The following SYNPO2 variants were observed in gnomAD, a reference collection of about 807,000 sequenced individuals.
The protein encoded by SYNPO2 is synaptopodin-2.
Under a neutral mutation model 85.0 loss-of-function variants are expected in SYNPO2, and 56 were observed. That is an observed-to-expected ratio of 0.66 (90% CI 0.53 to 0.82). The LOEUF (loss-of-function observed/expected upper bound fraction) is 0.82, where lower values mean the gene tolerates loss of function less well. SYNPO2 is among the 40% of genes least tolerant of loss of function. The probability of loss-of-function intolerance (pLI) is 0.00; values close to 1 mark genes in which losing one functional copy is unlikely to be tolerated. For synonymous variants in SYNPO2, 602 were observed against 591.1 expected, an observed-to-expected ratio of 1.02 and a Z score of -0.27; for missense variants, 1,575 against 1,534.2, an observed-to-expected ratio of 1.03 and a Z score of -0.44.
intron 4 of SYNPO2, chr4:119,035,729 T>G (rs1392917325): frequency 1.0e-6 from 1 of 985,020 alleles, no homozygotes; most frequent in Non-Finnish European, 1.2e-6. Context: ...AAGTGCCGAC[T>G]TCTTTCAAGA....
In SYNPO2 at chr4:118,953,322, G is replaced by A. The variant is rs78930238; in HGVS notation, c.105+64181G>A. ...TTCATGGTTTTTTTATACCCTGAAC[G>A]TCTCCCTTCGTAGGATTCATCACAA... On this transcript the variant is annotated intron_variant, in intron 1 of 4. Coordinates refer to ENST00000307142, the MANE Select transcript of SYNPO2 (RefSeq NM_133477.3). 6.7e-3 allele frequency among the ~76,000 whole-genome samples: 1,012 copies of A among 152,172 alleles called. 6 individuals are homozygous for A. Among genetic ancestry groups the A allele is most frequent in the Middle Eastern group, 0.027 (8 of 294 alleles).
At chr4:118,917,084 T>C (rs1190029103) in intron 1 of SYNPO2, among the ~76,000 whole-genome samples, 1 of 152,126 alleles carries the variant, frequency 6.6e-6, no homozygotes, top group Non-Finnish European at 1.5e-5. Context: ...AGATGTAAAG[T>C]CATTTGATTA....
At chr4:118,869,693 T>TTCC (rs1468612863) in intron 1 of SYNPO2, among the ~76,000 whole-genome samples, 1 of 152,178 alleles carries the variant, frequency 6.6e-6, no homozygotes, top group Non-Finnish European at 1.5e-5. Context: ...AGCCTGGATA[T>TTCC]ACAATACAGT....
At chr4:118,864,810 T>G (rs775448509) in intron 1 of SYNPO2, among the ~76,000 whole-genome samples, 2 of 152,246 alleles carry the variant, frequency 1.3e-5, no homozygotes, top group South Asian at 4.1e-4. Context: ...TCTTTTTTTA[T>G]CCCTTCATTT....
chr4:118,851,204 A>T (rs1731414838), intron 1 of SYNPO2, among the ~76,000 whole-genome samples: 1 of 152,186 alleles, frequency 6.6e-6, no homozygotes, highest in South Asian at 2.1e-4. Flanking sequence ...CATGAAATTG[A>T]ATACAATTAC....
At position 119,030,088 on chromosome 4, in the gene SYNPO2, T is replaced by C. The variant is rs867259198; in HGVS notation, c.1313T>C (p.Leu438Pro). 2.5e-6 allele frequency: 4 copies of C among 1,613,976 alleles called. No homozygotes were observed. The African/African-American group carries it at 5.3e-5, about 22-fold the overall frequency. Residue 438 changes from leucine to proline, a missense_variant, in exon 4 of 5, where the codon CTT becomes CCT. Physicochemically the swap from Leu to Pro is moderately conservative, Grantham distance 98 (BLOSUM62 -3). Transcript: ENST00000307142. The part of the protein sequence containing the change: ...DKEDTCEVAF[L>P]GASESEVDEE... Reference sequence around the variant, plus strand: ...GAGGATACATGTGAAGTAGCATTTCTTGGTGCAAGCGAATCAGAGGTGGAT... The same window carrying C: ...GAGGATACATGTGAAGTAGCATTTCCTGGTGCAAGCGAATCAGAGGTGGAT...
At chr4:119,003,380 C>T (rs939572144) in intron 1 of SYNPO2, among the ~76,000 whole-genome samples, 5 of 152,162 alleles carry the variant, frequency 3.3e-5, no homozygotes, top group African/African-American at 1.2e-4. Context: ...CACCTCCCTC[C>T]CTTGACACGT....
At chr4:118,942,414 AGAAT>A (rs1202427098) in intron 1 of SYNPO2, among the ~76,000 whole-genome samples, 4 of 152,224 alleles carry the variant, frequency 2.6e-5, no homozygotes, top group African/African-American at 4.8e-5. Context: ...ACTGAATGAA[AGAAT>A]GAATGGACAG....
At chr4:119,057,269 T>TG in intron 4 of SYNPO2, 132 bp from the exon 5 acceptor site, 3 of 1,068,254 alleles carry the variant, frequency 2.8e-6, no homozygotes, top group Non-Finnish European at 3.8e-6. Flanking sequence ...CTAAGCATTC[T>TG]GGGGGGTTAA....
chr4:118,919,057 G>T (rs1733449103), intron 1 of SYNPO2, among the ~76,000 whole-genome samples: 2 of 152,086 alleles, frequency 1.3e-5, no homozygotes, highest in South Asian at 4.1e-4. Context: ...TTTTTAGCAT[G>T]GTGTTCCTAA....
intron 4 of SYNPO2, among the ~76,000 whole-genome samples, chr4:119,045,333 G>A (rs1247731464): frequency 2.0e-5 from 3 of 152,074 alleles, no homozygotes; most frequent in Non-Finnish European, 2.9e-5. Context: ...GTGGCTCACT[G>A]GAAGCAACTT....
At chr4:118,859,863 G>A (rs1339961406) in intron 1 of SYNPO2, among the ~76,000 whole-genome samples, 1 of 152,168 alleles carries the variant, frequency 6.6e-6, no homozygotes, top group East Asian at 1.9e-4. Flanking sequence ...ATTGTGAATA[G>A]TGCTGCAATA....
chr4:119,058,076 C>CTG lies in SYNPO2; in HGVS notation c.*162_*163dup, dbSNP rs35036907. The CTG allele has an allele frequency of 4.5e-4, 255 of 565,260 alleles. 1 individual carries two copies. Among genetic ancestry groups the CTG allele is most frequent in the Middle Eastern group, 8.5e-4 (2 of 2,356 alleles). 35.0% of individuals were successfully genotyped at this position (565,260 alleles called of 1,614,324 possible). The stretch of plus-strand genomic sequence containing the variant: ...AAGTCATTTATCTAAGTTTGTGTTT[C>CTG]TGTGTGTGTGTGTGTGTGTGTATGT... On this transcript the variant is annotated 3_prime_UTR_variant, in exon 5 of 5. Transcript: ENST00000307142.
intron 1 of SYNPO2, among the ~76,000 whole-genome samples, chr4:118,907,501 T>C (rs1009094344): frequency 6.6e-6 from 1 of 152,208 alleles, no homozygotes; most frequent in Admixed American, 6.5e-5. Context: ...ACATTGTTCA[T>C]CTATTCCTTA....
intron 1 of SYNPO2, among the ~76,000 whole-genome samples, chr4:118,877,040 A>C (rs906965430): frequency 2.0e-5 from 3 of 151,844 alleles, no homozygotes; most frequent in Non-Finnish European, 4.4e-5. Context: ...TCCTGGGTCC[A>C]AGCGACCCTC....
chr4:118,920,546 A>G lies in SYNPO2; in HGVS notation c.105+31405A>G, dbSNP rs373633180. Reference sequence around the variant, plus strand: ...CTTGTTCTGTCTTGGACAGAACTCTAAGAACAAAATAATCCACCATGGAAC... The same window carrying G: ...CTTGTTCTGTCTTGGACAGAACTCTGAGAACAAAATAATCCACCATGGAAC... On this transcript the variant is annotated intron_variant, in intron 1 of 4. Transcript: ENST00000307142. Among the ~76,000 whole-genome samples, 109 of 152,274 alleles carry G rather than the reference A, an allele frequency of 7.2e-4. 1 individual carries two copies. The South Asian group carries it at 8.7e-3, about 12-fold the overall frequency.
chr4:118,878,944 A>G (rs566847346), intron 1 of SYNPO2, among the ~76,000 whole-genome samples: 4 of 152,298 alleles, frequency 2.6e-5, no homozygotes, highest in South Asian at 2.1e-4. Context: ...TTGGGTCCGC[A>G]CTACCTCTAA....
chr4:118,932,363 T>C (rs935781275), intron 1 of SYNPO2, among the ~76,000 whole-genome samples: 1 of 152,232 alleles, frequency 6.6e-6, no homozygotes, highest in African/African-American at 2.4e-5. Context: ...CTTCCCATCC[T>C]TTCCTTCAGA....
At chr4:118,881,251 G>A (rs921811144) in intron 1 of SYNPO2, among the ~76,000 whole-genome samples, 2 of 150,042 alleles carry the variant, frequency 1.3e-5, no homozygotes, top group African/African-American at 4.9e-5. Context: ...GCAGGGAGCC[G>A]AGATCGCACC....
Sources: allele counts gnomAD v4.1 joint callset (sites outside exome capture counted in the v4.1 genomes callset), GRCh38; gene constraint gnomAD v4.1.1; transcripts MANE v1.5; gene names NCBI Gene and HGNC (gene_info 2026-07-23, HGNC 2026-07-21).